Variants in AGBL1 observed in about 807,000 individuals in gnomAD.
AGBL1 encodes the protein AGBL carboxypeptidase 1, also known as cytosolic carboxypeptidase 4.
In AGBL1, 130 loss-of-function variants were observed where a neutral mutation model predicts 118.9. That is an observed-to-expected ratio of 1.09 (90% CI 0.95 to 1.26). The LOEUF (loss-of-function observed/expected upper bound fraction) is 1.26. Ranked by LOEUF, AGBL1 falls within the 50% of genes most tolerant of loss-of-function variation. AGBL1 has a pLI of 0.00. For missense variants in AGBL1, 1,584 were observed against 1,298.1 expected (o/e 1.22, Z -3.38); for synonymous variants, 555 against 478.9 (o/e 1.16, Z -2.08).
chr15:86,328,337 T>A (rs953437706), intron 17 of AGBL1, among the ~76,000 whole-genome samples: 2 of 152,210 alleles, frequency 1.3e-5, no homozygotes, highest in Admixed American at 6.5e-5. Context: ...ACAGAAAGTA[T>A]GGTAAAAAGT....
At chr15:86,684,914 C>T (rs1165876263) in intron 22 of AGBL1, among the ~76,000 whole-genome samples, 6 of 152,068 alleles carry the variant, frequency 3.9e-5, no homozygotes, top group African/African-American at 1.4e-4. Flanking sequence ...TGGCAAACAG[C>T]TTGTATTTGA....
chr15:86,692,260 C>T (rs2086185325), intron 22 of AGBL1, among the ~76,000 whole-genome samples: 1 of 152,004 alleles, frequency 6.6e-6, no homozygotes, highest in African/African-American at 2.4e-5. Flanking sequence ...AGTCCACATC[C>T]TAGCATCAAG....
Position 86,884,659 on chromosome 15 carries a change from A to G in AGBL1, c.3159-22428A>G, listed in dbSNP as rs1026723131. Among the ~76,000 whole-genome samples the G allele has an allele frequency of 3.3e-5, 5 of 152,160 alleles. 1 individual carries two copies. The highest frequency in any genetic ancestry group is 7.3e-5 in the Non-Finnish European group (5 of 68,028). ...AAACCCTTCCTCTACCAAAAATACC[A>G]AAATCAGCCAGATCTGGTGGTGTGC... On this transcript the variant is annotated intron_variant, in intron 22 of 22. Coordinates refer to ENST00000614907, the MANE Select transcript of AGBL1 (RefSeq NM_001386094.1).
intron 18 of AGBL1, among the ~76,000 whole-genome samples, chr15:86,428,831 T>C (rs2081898631): frequency 6.6e-6 from 1 of 152,210 alleles, no homozygotes; most frequent in South Asian, 2.1e-4. Flanking sequence ...TCTTGCTTTG[T>C]GAGTAAATAA....
intron 22 of AGBL1, among the ~76,000 whole-genome samples, chr15:86,679,950 T>C (rs1350698037): frequency 6.6e-6 from 1 of 152,272 alleles, no homozygotes. Context: ...TTGAGGAGTT[T>C]TGTGCCTATA....
chr15:86,866,284 A>G (rs948463467), intron 22 of AGBL1, among the ~76,000 whole-genome samples: 5 of 152,148 alleles, frequency 3.3e-5, no homozygotes, highest in Non-Finnish European at 5.9e-5. Flanking sequence ...CCTATATACC[A>G]TTTCCTCAGG....
intron 22 of AGBL1, among the ~76,000 whole-genome samples, chr15:86,794,837 T>A (rs2078546647): frequency 6.6e-6 from 1 of 152,220 alleles, no homozygotes; most frequent in Admixed American, 6.5e-5. Flanking sequence ...AGCACAGTGC[T>A]GTATACAAGC....
At chr15:86,486,022 C>G (rs2082708218) in intron 18 of AGBL1, among the ~76,000 whole-genome samples, 1 of 152,154 alleles carries the variant, frequency 6.6e-6, no homozygotes, top group Admixed American at 6.6e-5. Flanking sequence ...TCTGGGTTGA[C>G]ACTTAGGTTC....
At chr15:86,244,428 GT>G (rs1246087157) in intron 6 of AGBL1, among the ~76,000 whole-genome samples, 2 of 152,136 alleles carry the variant, frequency 1.3e-5, no homozygotes, top group African/African-American at 4.8e-5. Context: ...CTCTTTCTCA[GT>G]TTGATGAATC....
intron 22 of AGBL1, among the ~76,000 whole-genome samples, chr15:86,732,002 A>C (rs931354173): frequency 6.6e-6 from 1 of 152,182 alleles, no homozygotes; most frequent in Non-Finnish European, 1.5e-5. Flanking sequence ...TCTGGTTATC[A>C]CATGAAGATT....
intron 5 of AGBL1, among the ~76,000 whole-genome samples, chr15:86,185,147 A>G (rs2077611058): frequency 6.6e-6 from 1 of 152,254 alleles, no homozygotes; most frequent in Admixed American, 6.5e-5. Flanking sequence ...CAACAGACAC[A>G]TGAAAAAATG....
chr15:86,687,288 C>T (rs1014881378), intron 22 of AGBL1, among the ~76,000 whole-genome samples: 6 of 152,106 alleles, frequency 3.9e-5, no homozygotes, highest in Non-Finnish European at 7.4e-5. Flanking sequence ...TCTGCAAAGT[C>T]GGCTGGAGAA....
intron 5 of AGBL1, among the ~76,000 whole-genome samples, chr15:86,159,809 G>T (rs955249527): frequency 1.3e-5 from 2 of 151,608 alleles, no homozygotes; most frequent in Non-Finnish European, 3.0e-5. Flanking sequence ...CTGCATCTCA[G>T]CGTCAATCTT....
chr15:86,678,531 G>A (rs973866530), intron 22 of AGBL1, among the ~76,000 whole-genome samples: 1 of 151,854 alleles, frequency 6.6e-6, no homozygotes, highest in African/African-American at 2.4e-5. Flanking sequence ...TAATTTCTGT[G>A]TTAAAGGTAC....
chr15:86,489,894 G>A (rs1596182033), intron 18 of AGBL1, among the ~76,000 whole-genome samples: 1 of 152,096 alleles, frequency 6.6e-6, no homozygotes, highest in African/African-American at 2.4e-5. Flanking sequence ...TGATAGCTGG[G>A]TGGTATTTTC....
chr15:86,645,761 A>T (rs1284214383), intron 21 of AGBL1, among the ~76,000 whole-genome samples: 1 of 152,206 alleles, frequency 6.6e-6, no homozygotes, highest in East Asian at 1.9e-4. Flanking sequence ...AATGAGTTAG[A>T]AATGTCAGAG....
chr15:86,649,704 T>G lies in AGBL1; in HGVS notation c.2995-24569T>G, dbSNP rs1002268296. Among the ~76,000 whole-genome samples, 486 of 117,600 alleles carry G rather than the reference T, an allele frequency of 4.1e-3. 6 individuals are homozygous for G. The highest frequency in any genetic ancestry group is 0.023 in the African/African-American group (466 of 20,336). 77.2% of individuals were successfully genotyped at this position (117,600 alleles called of 152,430 possible). ...TTTTAATGCACAGGATTAATTTGGG[T>G]TTTTTTTCTTTTTACATAAAAACAA... is the stretch of plus-strand genomic sequence containing the variant. On this transcript the variant is annotated intron_variant, in intron 21 of 22. Coordinates refer to ENST00000614907, the MANE Select transcript of AGBL1 (RefSeq NM_001386094.1).
At chr15:86,584,206 G>C (rs1235743189) in intron 21 of AGBL1, among the ~76,000 whole-genome samples, 2 of 151,886 alleles carry the variant, frequency 1.3e-5, no homozygotes, top group East Asian at 3.9e-4. Context: ...CCATTTGTCA[G>C]TTTTTGTTTT....
At chr15:86,822,906 G>C (rs909796059) in intron 22 of AGBL1, among the ~76,000 whole-genome samples, 1 of 152,104 alleles carries the variant, frequency 6.6e-6, no homozygotes. Flanking sequence ...TTTATGGTAA[G>C]TACATGCTCT....
Sources: allele counts gnomAD v4.1 joint callset (sites outside exome capture counted in the v4.1 genomes callset), GRCh38; gene constraint gnomAD v4.1.1; transcripts MANE v1.5; gene names NCBI Gene and HGNC (gene_info 2026-07-23, HGNC 2026-07-21).